The following FAM174B variants were observed in gnomAD, a reference collection of about 807,000 sequenced individuals.
The protein encoded by FAM174B is family with sequence similarity 174 member B.
FAM174B carries 12 observed loss-of-function variants against 10.9 expected under a neutral mutation model. That is an observed-to-expected ratio of 1.10 (90% CI 0.71 to 1.79). FAM174B has a LOEUF of 1.79. Ranked by LOEUF, FAM174B falls within the 40% of genes most tolerant of loss-of-function variation. The pLI, the probability that FAM174B is intolerant of heterozygous loss-of-function variation, is 0.00. For synonymous variants in FAM174B, 132 were observed against 115.8 expected, an observed-to-expected ratio of 1.14 and a Z score of -0.90; for missense variants, 266 against 233.3, an observed-to-expected ratio of 1.14 and a Z score of -0.91.
At position 92,625,786 on chromosome 15, in the gene FAM174B, T is replaced by C. The variant is rs111948696; in HGVS notation, c.476+4428A>G. ...ATCTGTATTTTCTACAGCTTAACAT[T>C]ACCTCTGTAATAAGAAAAGCCAGCA... On this transcript the variant is annotated intron_variant, in intron 2 of 2. Transcript: ENST00000327355. Among the ~76,000 whole-genome samples, 1,476 of 152,336 alleles carry C rather than the reference T, an allele frequency of 9.7e-3. 16 individuals are homozygous for C. The highest frequency in any genetic ancestry group is 0.029 in the African/African-American group (1,204 of 41,580).
In FAM174B at chr15:92,619,322, C is replaced by G; in HGVS notation, c.*134G>C. The G allele has an allele frequency of 1.1e-6, 1 of 942,320 alleles. No homozygotes were observed. The highest frequency in any genetic ancestry group is 1.7e-6 in the Non-Finnish European group (1 of 584,128). 58.4% of individuals were successfully genotyped at this position (942,320 alleles called of 1,614,324 possible). A position where few individuals can be genotyped will look rare whatever the true frequency, so the allele number is the denominator to read the frequency against. ...CAGATGCCTGACACGCACGATGGAG[C>G]TGGGGTTTTATACATAACGTTCGTT... On this transcript the variant is annotated 3_prime_UTR_variant, in exon 3 of 3. Transcript: ENST00000327355.
rs150700137 is a variant in FAM174B, at chr15:92,638,814, CT to C, written c.345-8470del. Among the ~76,000 whole-genome samples, 926 of 152,324 alleles carry C rather than the reference CT, an allele frequency of 6.1e-3. 6 individuals are homozygous for C. The highest frequency in any genetic ancestry group is 0.017 in the Middle Eastern group (5 of 294). Reference sequence around the variant, plus strand: ...CGCAACCAGGCTGGGTTTTCTCCTTCTTCCGAATCCTGCAGCCCCTCTTCAT... The same window carrying C: ...CGCAACCAGGCTGGGTTTTCTCCTTCTCCGAATCCTGCAGCCCCTCTTCAT... On this transcript the variant is annotated intron_variant, in intron 1 of 2. Transcript: ENST00000327355.
chr15:92,617,690 C>A lies in FAM174B; in HGVS notation c.*1766G>T. 1 of 680,706 alleles carries A rather than the reference C, an allele frequency of 1.5e-6. No individual in the cohort carries two copies. 42.2% of individuals were successfully genotyped at this position (680,706 alleles called of 1,614,324 possible). ...CAAAGGTTGAGGGGGCGAACAGCTG[C>A]GAGGTGGCCAGGCTCCCGTGAGTCA... On this transcript the variant is annotated 3_prime_UTR_variant, in exon 3 of 3. Coordinates refer to ENST00000327355, the MANE Select transcript of FAM174B (RefSeq NM_207446.3).
At chr15:92,626,901 A>T (rs1396957233) in intron 2 of FAM174B, among the ~76,000 whole-genome samples, 1 of 151,982 alleles carries the variant, frequency 6.6e-6, no homozygotes, top group Non-Finnish European at 1.5e-5. Context: ...AAATACAAAA[A>T]ATGAGCTGGG....
In FAM174B at chr15:92,617,477, C is replaced by G; in HGVS notation, c.*1979G>C. On this transcript the variant is annotated 3_prime_UTR_variant, in exon 3 of 3. Transcript: ENST00000327355. The stretch of plus-strand genomic sequence containing the variant: ...TGTGTAAAGGGTTTTTATTGGAGAG[C>G]CTGTGGCGCTGAAGTGCCACCAAGG... 1 of 499,550 alleles carries G rather than the reference C, an allele frequency of 2.0e-6. No individual in the cohort carries two copies. Among genetic ancestry groups the G allele is most frequent in the Non-Finnish European group, 3.5e-6 (1 of 286,652 alleles). The allele number at this position is 499,550 out of a possible 1,614,324, so 30.9% of individuals were successfully genotyped here.
At chr15:92,640,602 C>A (rs2050884953) in intron 1 of FAM174B, among the ~76,000 whole-genome samples, 1 of 136,854 alleles carries the variant, frequency 7.3e-6, no homozygotes, top group African/African-American at 2.7e-5. Flanking sequence ...AAATGATATA[C>A]TGGGAGAACT....
intron 1 of FAM174B, among the ~76,000 whole-genome samples, chr15:92,633,120 G>C (rs372179260): frequency 3.9e-5 from 6 of 152,152 alleles, no homozygotes; most frequent in African/African-American, 1.2e-4. Flanking sequence ...AGCCAACCCA[G>C]AAAGTCATAA....
rs1002755767 is a variant in FAM174B, at chr15:92,630,352, G to A, written c.345-7C>T. ...CTTTAACCTCTTTCCCGACCTGCAG[G>A]AGAAGAAGCACATTCATGAGAACAC... is the stretch of plus-strand genomic sequence containing the variant. On this transcript the variant is annotated splice_polypyrimidine_tract_variant and splice_region_variant and intron_variant, in intron 1 of 2. Transcript: ENST00000327355. The A allele has an allele frequency of 2.5e-6, 4 of 1,606,574 alleles. No homozygotes were observed. The highest frequency in any genetic ancestry group is 1.7e-5 in the Admixed American group (1 of 58,750).
intron 1 of FAM174B, among the ~76,000 whole-genome samples, chr15:92,635,312 A>G (rs765107071): frequency 4.6e-5 from 7 of 152,196 alleles, no homozygotes; most frequent in African/African-American, 1.7e-4. Context: ...TTACATTTCA[A>G]ACAATCAACT....
intron 2 of FAM174B, among the ~76,000 whole-genome samples, chr15:92,626,199 C>T (rs76220491): frequency 0.15 from 21,482 of 145,566 alleles, 1,877 homozygotes; most frequent in East Asian, 0.24. Flanking sequence ...CCTGGGTTCG[C>T]GCCATTCTCC....
chr15:92,618,025 T>C lies in FAM174B; in HGVS notation c.*1431A>G. 6.9e-6 allele frequency: 2 copies of C among 288,154 alleles called. No homozygotes were observed. The highest frequency in any genetic ancestry group is 1.3e-5 in the Non-Finnish European group (2 of 156,526). 17.8% of individuals were successfully genotyped at this position (288,154 alleles called of 1,614,324 possible). The stretch of plus-strand genomic sequence containing the variant: ...TGCCCCTTCCCACATATCCCAACTC[T>C]TCTCAGAAAACTGAAGAACCGAAGA... On this transcript the variant is annotated 3_prime_UTR_variant, in exon 3 of 3. Coordinates refer to ENST00000327355, the MANE Select transcript of FAM174B (RefSeq NM_207446.3).
chr15:92,633,750 C>T (rs1237414725), intron 1 of FAM174B, among the ~76,000 whole-genome samples: 2 of 152,148 alleles, frequency 1.3e-5, no homozygotes, highest in East Asian at 1.9e-4. Flanking sequence ...GACTTAAATG[C>T]TACCTTTATA....
chr15:92,639,731 T>C (rs1389551661), intron 1 of FAM174B, among the ~76,000 whole-genome samples: 1 of 152,082 alleles, frequency 6.6e-6, no homozygotes, highest in Non-Finnish European at 1.5e-5. Flanking sequence ...AGAGATCTGG[T>C]GGTTTAAAAG....
At chr15:92,634,230 G>A (rs946360764) in intron 1 of FAM174B, 1 of 152,260 alleles carries the variant, frequency 6.6e-6, no homozygotes, top group Non-Finnish European at 1.5e-5. Flanking sequence ...TTCAGGCTGA[G>A]GAGTCATAGT....
Position 92,618,762 on chromosome 15 carries a change from AC to A in FAM174B, c.*693del. On this transcript the variant is annotated 3_prime_UTR_variant, in exon 3 of 3. Transcript: ENST00000327355. ...CACACGTGCACACACACACACACAC[AC>A]ACGCACAGTTTTTCCCTGATACTGG... is the stretch of plus-strand genomic sequence containing the variant. 6.0e-6 allele frequency: 1 copy of A among 166,554 alleles called. No individual in the cohort carries two copies. Among genetic ancestry groups the A allele is most frequent in the Non-Finnish European group, 1.3e-5 (1 of 78,232 alleles). The allele number at this position is 166,554 out of a possible 1,614,324, so 10.3% of individuals were successfully genotyped here.
chr15:92,630,141 C>A (rs1176413448), intron 2 of FAM174B, 73 bp downstream of exon 2: 18 of 1,518,722 alleles, frequency 1.2e-5, no homozygotes, highest in Non-Finnish European at 1.6e-5. Context: ...CACATGGACA[C>A]CATGCCTGAC....
In FAM174B at chr15:92,652,425, C is replaced by T. The variant is rs987884027; in HGVS notation, c.344+2891G>A. On this transcript the variant is annotated intron_variant, in intron 1 of 2. Transcript: ENST00000327355. ...AGGCCACGCAGTGCCTCCAGAGAAC[C>T]CCAGGAAGTCCAGCAAAGCAGGAGG... Among the ~76,000 whole-genome samples the T allele has an allele frequency of 3.3e-5, 5 of 152,104 alleles. 1 individual carries two copies. The highest frequency in any genetic ancestry group is 1.2e-4 in the African/African-American group (5 of 41,414).
At chr15:92,651,982 C>A (rs1237194186) in intron 1 of FAM174B, among the ~76,000 whole-genome samples, 23 of 152,216 alleles carry the variant, frequency 1.5e-4, no homozygotes, top group Non-Finnish European at 1.9e-4. Context: ...CGCAATCATA[C>A]TTACTACACT....
In FAM174B at chr15:92,618,940, A is replaced by C. The variant is rs889821581; in HGVS notation, c.*516T>G. ...GCACATCCACCTTGAACTCTGACAC[A>C]GGTAACGCCAAAATGAGGCCAGGAC... On this transcript the variant is annotated 3_prime_UTR_variant, in exon 3 of 3. Transcript: ENST00000327355. The C allele has an allele frequency of 1.9e-6, 1 of 526,106 alleles. No homozygotes were observed. Among genetic ancestry groups the C allele is most frequent in the Non-Finnish European group, 3.4e-6 (1 of 294,196 alleles). 32.6% of individuals were successfully genotyped at this position (526,106 alleles called of 1,614,324 possible). A position where few individuals can be genotyped will look rare whatever the true frequency, so the allele number is the denominator to read the frequency against.
Sources: allele counts gnomAD v4.1 joint callset (sites outside exome capture counted in the v4.1 genomes callset), GRCh38; gene constraint gnomAD v4.1.1; transcripts MANE v1.5; gene names NCBI Gene and HGNC (gene_info 2026-07-23, HGNC 2026-07-21).